The following SHISA6 variants were observed in gnomAD, a reference collection of about 807,000 sequenced individuals.
SHISA6 encodes the protein shisa family member 6, also known as protein shisa-6.
Under a neutral mutation model 47.9 loss-of-function variants are expected in SHISA6, and 22 were observed. The ratio of observed to expected loss-of-function variants is 0.46; its 90% CI spans 0.33 to 0.66. SHISA6 has a LOEUF of 0.66. SHISA6 is among the 30% of genes least tolerant of loss of function. SHISA6 has a pLI of 0.02. For synonymous variants in SHISA6, 388 were observed against 337.8 expected, an observed-to-expected ratio of 1.15 and a Z score of -1.63; for missense variants, 680 against 764.6, an observed-to-expected ratio of 0.89 and a Z score of 1.30.
At chr17:11,476,162 G>A (rs1916046278) in intron 3 of SHISA6, among the ~76,000 whole-genome samples, 1 of 151,836 alleles carries the variant, frequency 6.6e-6, no homozygotes, top group Non-Finnish European at 1.5e-5. Context: ...TTAGTGATTT[G>A]TGCTGTCCCT....
chr17:11,249,786 T>A (rs930374364), intron 1 of SHISA6, among the ~76,000 whole-genome samples: 24 of 152,114 alleles, frequency 1.6e-4, no homozygotes, highest in Admixed American at 3.9e-4. Context: ...TGGGGCTGAG[T>A]CTGATGAATG....
chr17:11,408,956 T>C (rs923696529), intron 3 of SHISA6, among the ~76,000 whole-genome samples: 1 of 152,142 alleles, frequency 6.6e-6, no homozygotes, highest in Admixed American at 6.5e-5. Flanking sequence ...ATGTTATTGC[T>C]TTTGACTGGG....
chr17:11,293,987 G>A (rs1909646668), intron 2 of SHISA6, among the ~76,000 whole-genome samples: 1 of 152,166 alleles, frequency 6.6e-6, no homozygotes, highest in Admixed American at 6.6e-5. Flanking sequence ...CTGGGTTCAA[G>A]CGATTCTCCT....
At chr17:11,413,627 C>T (rs536467451) in intron 3 of SHISA6, among the ~76,000 whole-genome samples, 1 of 152,240 alleles carries the variant, frequency 6.6e-6, no homozygotes, top group South Asian at 2.1e-4. Flanking sequence ...CAGACTGGAT[C>T]AGCCTCTGTG....
At chr17:11,266,740 C>A (rs1309111934) in intron 2 of SHISA6, among the ~76,000 whole-genome samples, 1 of 152,130 alleles carries the variant, frequency 6.6e-6, no homozygotes, top group Non-Finnish European at 1.5e-5. Flanking sequence ...ATGAAAGAAC[C>A]AAAGGCAATG....
chr17:11,255,172 G>A (rs1907961163), intron 1 of SHISA6, among the ~76,000 whole-genome samples: 1 of 152,316 alleles, frequency 6.6e-6, no homozygotes. Context: ...AAATATAACT[G>A]AATGACAGGC....
At chr17:11,467,298 T>A (rs140263929) in intron 3 of SHISA6, among the ~76,000 whole-genome samples, 2,874 of 152,228 alleles carry the variant, frequency 0.019, 44 homozygotes, top group South Asian at 0.034. Context: ...ATCTGAGAGA[T>A]AGTTCGTGTT....
At chr17:11,266,974 A>T (rs1908447913) in intron 2 of SHISA6, among the ~76,000 whole-genome samples, 2 of 152,244 alleles carry the variant, frequency 1.3e-5, no homozygotes, top group South Asian at 4.1e-4. Flanking sequence ...TAATAACACA[A>T]GTACCATAGA....
chr17:11,254,897 C>T (rs1383835444), intron 1 of SHISA6, among the ~76,000 whole-genome samples: 1 of 152,198 alleles, frequency 6.6e-6, no homozygotes, highest in African/African-American at 2.4e-5. Context: ...GGCTGTCCAC[C>T]CAGAAATGGG....
chr17:11,434,672 CAT>C (rs1914886875), intron 3 of SHISA6, among the ~76,000 whole-genome samples: 3 of 152,142 alleles, frequency 2.0e-5, no homozygotes, highest in Admixed American at 1.3e-4. Context: ...TTACATAAGA[CAT>C]ATAAGTTTTA....
In SHISA6 at chr17:11,458,901, G is replaced by A. The variant is rs538569141; in HGVS notation, c.895+79392G>A. ...TGGGTAGTTGTGAGAATTAAAAGGAGTTATGGTGTAAAAGACATTATGGGC... is the reference window on the plus strand; with the variant it reads ...TGGGTAGTTGTGAGAATTAAAAGGAATTATGGTGTAAAAGACATTATGGGC... On this transcript the variant is annotated intron_variant, in intron 3 of 5. Transcript: ENST00000441885. 1.6e-4 allele frequency among the ~76,000 whole-genome samples: 25 copies of A among 152,130 alleles called. 1 individual carries two copies. The South Asian group carries it at 5.2e-3, about 32-fold the overall frequency.
At chr17:11,449,772 C>T (rs918900493) in intron 3 of SHISA6, among the ~76,000 whole-genome samples, 4 of 152,226 alleles carry the variant, frequency 2.6e-5, no homozygotes, top group African/African-American at 7.2e-5. Context: ...ATCTGCCTAG[C>T]GTCTTTGTCT....
In SHISA6 at chr17:11,533,222, C is replaced by G. The variant is rs536915750; in HGVS notation, c.896-18674C>G. On this transcript the variant is annotated intron_variant, in intron 3 of 5. Transcript: ENST00000441885. ...TATGGAGACCTCAGAGCTGATTCAG[C>G]TGCCGTTACCTCCCACTTGCATTTC... 5.9e-5 allele frequency among the ~76,000 whole-genome samples: 9 copies of G among 152,332 alleles called. No homozygotes were observed. The East Asian group carries it at 1.2e-3, about 20-fold the overall frequency.
At chr17:11,471,345 G>A (rs1915932241) in intron 3 of SHISA6, among the ~76,000 whole-genome samples, 1 of 152,150 alleles carries the variant, frequency 6.6e-6, no homozygotes, top group Admixed American at 6.5e-5. Context: ...TTCCTTGTCA[G>A]TCTTGTTCCA....
chr17:11,388,811 TATATATATATATATATATATA>T (rs1412685618), intron 3 of SHISA6, among the ~76,000 whole-genome samples: 1,472 of 95,248 alleles, frequency 0.015, 75 homozygotes, highest in South Asian at 0.058. Flanking sequence ...TATATATATA[TATATATATATATATATATATA>T]TATATATATT....
chr17:11,326,592 A>G (rs1400830426), intron 2 of SHISA6, among the ~76,000 whole-genome samples: 3 of 152,182 alleles, frequency 2.0e-5, no homozygotes, highest in East Asian at 3.9e-4. Flanking sequence ...CCAGCGCCTC[A>G]ACCTTCCGAA....
At chr17:11,466,475 C>T (rs887937203) in intron 3 of SHISA6, among the ~76,000 whole-genome samples, 1 of 152,148 alleles carries the variant, frequency 6.6e-6, no homozygotes, top group African/African-American at 2.4e-5. Flanking sequence ...TCCCTTTTGC[C>T]ATGGAAGGTA....
At chr17:11,425,824 C>G (rs1024148517) in intron 3 of SHISA6, among the ~76,000 whole-genome samples, 1 of 152,178 alleles carries the variant, frequency 6.6e-6, no homozygotes, top group Admixed American at 6.5e-5. Flanking sequence ...CTTAAATCCC[C>G]TAAGTTTTTT....
Position 11,561,334 on chromosome 17 carries a change from A to G in SHISA6, c.*3030A>G, listed in dbSNP as rs561723216. The G allele has an allele frequency of 1.3e-5, 2 of 152,418 alleles. No individual in the cohort carries two copies. Among genetic ancestry groups the G allele is most frequent in the Admixed American group, 6.5e-5 (1 of 15,308 alleles). 9.4% of individuals were successfully genotyped at this position (152,418 alleles called of 1,614,324 possible). A position where few individuals can be genotyped will look rare whatever the true frequency, so the allele number is the denominator to read the frequency against. ...AACAGAAATGAACTGGAATCTGCAC[A>G]GGTTCTCTCCTGCCCTGAAAGTTCT... On this transcript the variant is annotated 3_prime_UTR_variant, in exon 6 of 6. Coordinates refer to ENST00000441885, the MANE Select transcript of SHISA6 (RefSeq NM_207386.4).
Sources: gnomAD v4.1 joint callset for allele counts (sites outside exome capture counted in the v4.1 genomes callset) on GRCh38, gnomAD v4.1.1 for gene constraint, MANE v1.5 for transcripts, NCBI Gene and HGNC (gene_info 2026-07-23, HGNC 2026-07-21) for gene names.